The following COPS4 variants were observed in gnomAD, a reference collection of about 807,000 sequenced individuals.
COPS4 encodes the protein COP9 signalosome complex subunit 4.
COPS4 carries 8 observed loss-of-function variants against 55.1 expected under a neutral mutation model. The observed-to-expected ratio is 0.15, with a 90% CI of 0.09 to 0.26. The LOEUF is 0.26. COPS4 is among the 10% of genes least tolerant of loss of function. COPS4 has a pLI of 1.00. For synonymous variants in COPS4, 185 were observed against 165.7 expected (o/e 1.12, Z -0.90); for missense variants, 248 against 484.0 (o/e 0.51, Z 4.58).
intron 1 of COPS4, among the ~76,000 whole-genome samples, chr4:83,044,539 A>G (rs1730654385): frequency 6.6e-6 from 1 of 151,606 alleles, no homozygotes; most frequent in Non-Finnish European, 1.5e-5. Flanking sequence ...GCACTTTGGG[A>G]GGCTGAGGTG....
intron 1 of COPS4, among the ~76,000 whole-genome samples, chr4:83,044,424 G>C (rs1449907672): frequency 7.8e-6 from 1 of 127,686 alleles, no homozygotes; most frequent in Non-Finnish European, 1.6e-5. Flanking sequence ...CAGCCTGGGT[G>C]ACAGAGCAAG....
intron 6 of COPS4, among the ~76,000 whole-genome samples, chr4:83,058,857 A>G (rs1158658185): frequency 6.6e-6 from 1 of 152,204 alleles, no homozygotes; most frequent in Non-Finnish European, 1.5e-5. Flanking sequence ...CCAAAGGTAC[A>G]TACTTTTGAA....
At chr4:83,073,801 A>C (rs1211280470) in intron 9 of COPS4, among the ~76,000 whole-genome samples, 1 of 152,032 alleles carries the variant, frequency 6.6e-6, no homozygotes, top group Non-Finnish European at 1.5e-5. Flanking sequence ...TACTAAAAAT[A>C]CAAAAATTAG....
chr4:83,042,275 C>G (rs940148608), intron 1 of COPS4, among the ~76,000 whole-genome samples: 2 of 152,168 alleles, frequency 1.3e-5, no homozygotes, highest in African/African-American at 2.4e-5. Flanking sequence ...TTTTTAGTAT[C>G]ATACACAGAA....
At chr4:83,072,807 T>C (rs1731469031) in intron 9 of COPS4, among the ~76,000 whole-genome samples, 1 of 152,226 alleles carries the variant, frequency 6.6e-6, no homozygotes, top group East Asian at 1.9e-4. Context: ...AATAATATGG[T>C]AATAAACAAA....
intron 6 of COPS4, among the ~76,000 whole-genome samples, chr4:83,059,024 A>T (rs1209018771): frequency 1.3e-5 from 2 of 152,154 alleles, no homozygotes; most frequent in African/African-American, 4.8e-5. Flanking sequence ...ATTTGTATTG[A>T]TGAATGCTCT....
intron 4 of COPS4, among the ~76,000 whole-genome samples, chr4:83,050,638 GGAGATGGCTAGT>G (rs1730867386): frequency 6.6e-6 from 1 of 152,110 alleles, no homozygotes; most frequent in South Asian, 2.1e-4. Context: ...TACTCTTAGA[GGAGATGGCTAGT>G]GCAAAGGCCC....
At chr4:83,064,602 T>C (rs1056458353) in intron 7 of COPS4, among the ~76,000 whole-genome samples, 1 of 151,052 alleles carries the variant, frequency 6.6e-6, no homozygotes, top group African/African-American at 2.4e-5. Flanking sequence ...TCTTTTTTCT[T>C]TTTTTTTTGT....
At chr4:83,069,924 T>A (rs1316929654) in intron 9 of COPS4, among the ~76,000 whole-genome samples, 1 of 152,208 alleles carries the variant, frequency 6.6e-6, no homozygotes, top group Non-Finnish European at 1.5e-5. Flanking sequence ...TAGCAGTTAT[T>A]TTTGTCTGAT....
At chr4:83,074,341 T>G (rs1731510714) in intron 9 of COPS4, among the ~76,000 whole-genome samples, 1 of 152,166 alleles carries the variant, frequency 6.6e-6, no homozygotes, top group Non-Finnish European at 1.5e-5. Flanking sequence ...ATGTATTTGT[T>G]TTATACCTTG....
intron 9 of COPS4, among the ~76,000 whole-genome samples, chr4:83,074,068 A>G (rs1166413232): frequency 6.6e-6 from 1 of 152,026 alleles, no homozygotes; most frequent in African/African-American, 2.4e-5. Flanking sequence ...ATTTCTAACT[A>G]TATAGTGTTG....
At chr4:83,072,505 G>A (rs568949689) in intron 9 of COPS4, among the ~76,000 whole-genome samples, 2 of 152,164 alleles carry the variant, frequency 1.3e-5, no homozygotes, top group South Asian at 4.2e-4. Flanking sequence ...TATGGCTTTT[G>A]AATTTCCTGT....
intron 9 of COPS4, among the ~76,000 whole-genome samples, chr4:83,074,659 T>C (rs1481961106): frequency 6.6e-6 from 1 of 151,202 alleles, no homozygotes; most frequent in Non-Finnish European, 1.5e-5. Context: ...CTTTTTTTTT[T>C]TTTAATTCTT....
Position 83,075,532 on chromosome 4 carries a change from C to A in COPS4, c.*102C>A. 7.7e-7 allele frequency: 1 copy of A among 1,291,110 alleles called. No individual in the cohort carries two copies. Among genetic ancestry groups the A allele is most frequent in the Non-Finnish European group, 1.1e-6 (1 of 935,242 alleles). The allele number at this position is 1,291,110 out of a possible 1,614,324, so 80.0% of individuals were successfully genotyped here. On this transcript the variant is annotated 3_prime_UTR_variant, in exon 10 of 10. Coordinates refer to ENST00000264389, the MANE Select transcript of COPS4 (RefSeq NM_016129.3). ...GCATCATGACCTTATACATTTCAAT[C>A]CCTTTTATGCTGGATTCCGTTTAAA...
chr4:83,045,084 A>G (rs1041914306), intron 1 of COPS4, among the ~76,000 whole-genome samples: 1 of 152,212 alleles, frequency 6.6e-6, no homozygotes, highest in Non-Finnish European at 1.5e-5. Context: ...TATTTTGTAC[A>G]GACTAAGACA....
chr4:83,035,365 A>C, intron 1 of COPS4, 67 bp downstream of exon 1: 1 of 1,312,940 alleles, frequency 7.6e-7, no homozygotes, highest in Non-Finnish European at 1.0e-6. Flanking sequence ...TAATCTCCTT[A>C]GGTTGGCCAC....
chr4:83,053,229 G>T (rs140430921), intron 4 of COPS4, among the ~76,000 whole-genome samples: 8 of 152,280 alleles, frequency 5.3e-5, no homozygotes, highest in South Asian at 2.1e-4. Context: ...ATTTGATTTG[G>T]TGCTTTTTCC....
Position 83,066,542 on chromosome 4 carries a change from C to A in COPS4, c.991C>A (p.Pro331Thr). ...AGAACTTGGAGCTCTTTTAGAGATCCCTGCAGCTAAGGTATCTTCTTGATT... is the reference window on the plus strand; with the variant it reads ...AGAACTTGGAGCTCTTTTAGAGATCACTGCAGCTAAGGTATCTTCTTGATT... ...FEELGALLEI[P>T]AAKAEKIASQ... is the part of the protein sequence containing the mutation. The change falls in exon 8 of 10, where the codon CCT becomes ACT. Residue 331 changes from proline (P) to threonine (T), a missense_variant. By Grantham distance (38) the Pro-to-Thr change is conservative. Around this residue, in one of 4 missense-constraint regions of COPS4, gnomAD observed 155 missense variants for 326.6 expected, o/e 0.47. Coordinates refer to ENST00000264389, the MANE Select transcript of COPS4 (RefSeq NM_016129.3). The A allele has an allele frequency of 6.5e-7, 1 of 1,541,298 alleles. No individual in the cohort carries two copies. Among genetic ancestry groups the A allele is most frequent in the Non-Finnish European group, 8.8e-7 (1 of 1,130,562 alleles).
intron 6 of COPS4, among the ~76,000 whole-genome samples, chr4:83,059,097 A>G (rs1369942049): frequency 6.6e-6 from 1 of 151,844 alleles, no homozygotes; most frequent in Non-Finnish European, 1.5e-5. Flanking sequence ...TGAGTGAATT[A>G]TACATTTATG....
Sources: gnomAD v4.1 joint callset for allele counts (sites outside exome capture counted in the v4.1 genomes callset) on GRCh38, gnomAD v4.1.1 for gene constraint, gnomAD v4.1.1 regional missense constraint, MANE v1.5 for transcripts, NCBI Gene and HGNC (gene_info 2026-07-23, HGNC 2026-07-21) for gene names.